The following CDH23 variants were observed in gnomAD, a reference collection of about 807,000 sequenced individuals.
CDH23 encodes cadherin related 23.
A neutral mutation model predicts 317.1 loss-of-function variants in CDH23; 189 were observed. That is an observed-to-expected ratio of 0.60 (90% CI 0.53 to 0.67). The LOEUF (loss-of-function observed/expected upper bound fraction) is 0.67. Ranked by LOEUF, CDH23 falls within the 30% of genes least tolerant of loss-of-function variation. CDH23 has a pLI of 0.00. For synonymous variants in CDH23, 1,839 were observed against 1,876.8 expected (o/e 0.98, Z 0.52); for missense variants, 4,401 against 4,592.4 (o/e 0.96, Z 1.20).
chr10:71,682,640 AG>A, intron 18 of CDH23, 68 bp downstream of exon 18: 1 of 1,582,078 alleles, frequency 6.3e-7, no homozygotes, highest in Non-Finnish European at 8.6e-7. Flanking sequence ...CTGTGAACCC[AG>A]TACTGTAGGA....
chr10:71,713,383 C>G (rs866663634), intron 28 of CDH23: 3 of 716,354 alleles, frequency 4.2e-6, no homozygotes, highest in South Asian at 1.5e-5. Flanking sequence ...GGGAGGGAGG[C>G]CCGGAGTGAA....
At chr10:71,544,792 C>T (rs969937307) in intron 6 of CDH23, among the ~76,000 whole-genome samples, 1 of 152,254 alleles carries the variant, frequency 6.6e-6, no homozygotes, top group Non-Finnish European at 1.5e-5. Context: ...TTTTCTAACT[C>T]TCCCCACCTT....
chr10:71,551,974 C>T (rs1564648274), intron 6 of CDH23, among the ~76,000 whole-genome samples: 1 of 152,236 alleles, frequency 6.6e-6, no homozygotes, highest in Non-Finnish European at 1.5e-5. Flanking sequence ...AGGGAATGCT[C>T]CTCAGGTGAG....
Position 71,725,354 on chromosome 10 carries a change from G to C in CDH23, c.3431-18G>C. 6.2e-7 allele frequency: 1 copy of C among 1,614,068 alleles called. No individual in the cohort carries two copies. On this transcript the variant is annotated intron_variant, in intron 29 of 69. Transcript: ENST00000224721. ...CTGGGCAGGGCCGGTGTTCCAGGGG[G>C]TCTGTCCCTCCACACAGGTAACCAT...
Position 71,810,496 on chromosome 10 carries a change from G to C in CDH23, c.9004G>C (p.Val3002Leu). The C allele has an allele frequency of 6.2e-7, 1 of 1,613,996 alleles. No individual in the cohort carries two copies. Residue 3002 changes from valine (V) to leucine (L), a missense_variant, in exon 62 of 70, where the codon GTG (valine) becomes CTG (leucine). Coordinates refer to ENST00000224721, the MANE Select transcript of CDH23 (RefSeq NM_022124.6). ...GTTCCATGTGGACAAGAAGGGCCGG[G>C]TGAACTTTGCGCAGACAGAACTGCT... ...VQFHVDKKGR[V>L]NFAQTELLIH...
Position 71,793,238 on chromosome 10 carries a change from C to G in CDH23, c.6310C>G (p.Leu2104Val). ...TGAGGACAGTGGCCTCAATGGGGAG[C>G]TGGTCTACCGAATAGAAGCTGGGGC... ...TDEDSGLNGE[L>V]VYRIEAGAQD... Residue 2104 changes from leucine (L) to valine (V), a missense_variant, in exon 48 of 70, where the codon CTG (leucine) becomes GTG (valine). Around this residue, in one of 3 missense-constraint regions of CDH23, gnomAD observed 3,068 missense variants for 3,203.3 expected, o/e 0.96. Transcript: ENST00000224721. 6.2e-7 allele frequency: 1 copy of G among 1,613,846 alleles called. No homozygotes were observed. The highest frequency in any genetic ancestry group is 8.5e-7 in the Non-Finnish European group (1 of 1,179,856).
intron 30 of CDH23, among the ~76,000 whole-genome samples, chr10:71,727,552 A>C (rs757387860): frequency 6.6e-6 from 1 of 152,118 alleles, no homozygotes; most frequent in African/African-American, 2.4e-5. Flanking sequence ...AACCATCCAC[A>C]TCCTCCAGTT....
At chr10:71,736,519 G>T (rs567660520) in intron 34 of CDH23, among the ~76,000 whole-genome samples, 5 of 152,160 alleles carry the variant, frequency 3.3e-5, no homozygotes, top group African/African-American at 7.2e-5. Context: ...AGGCCTTCAG[G>T]GGGTAGGGGA....
At chr10:71,486,000 T>TG (rs11434157) in intron 3 of CDH23, among the ~76,000 whole-genome samples, 1 of 152,002 alleles carries the variant, frequency 6.6e-6, no homozygotes, top group African/African-American at 2.4e-5. Flanking sequence ...ATCAATATAT[T>TG]TGGAGTAGAA....
chr10:71,469,258 C>T, intron 3 of CDH23, among the ~76,000 whole-genome samples: 1 of 152,206 alleles, frequency 6.6e-6, no homozygotes, highest in Admixed American at 6.5e-5. Context: ...ACATATCCAT[C>T]ACCCCCAGGT....
intron 44 of CDH23, among the ~76,000 whole-genome samples, chr10:71,786,115 G>A (rs1841099052): frequency 1.3e-5 from 2 of 152,232 alleles, no homozygotes; most frequent in Admixed American, 1.3e-4. Flanking sequence ...TGTGCATGGG[G>A]CACATGGGCC....
intron 28 of CDH23, among the ~76,000 whole-genome samples, chr10:71,718,701 A>G (rs570944261): frequency 2.6e-5 from 4 of 152,334 alleles, no homozygotes; most frequent in South Asian, 2.1e-4. Context: ...AAGGCCTTCA[A>G]AGGAATCTGG....
In CDH23 at chr10:71,495,820, AAAAG is replaced by A. The variant is rs550566369; in HGVS notation, c.146-14243_146-14240del. On this transcript the variant is annotated intron_variant, in intron 3 of 69. Coordinates refer to ENST00000224721, the MANE Select transcript of CDH23 (RefSeq NM_022124.6). Reference sequence around the variant, plus strand: ...GTGACAGAGGTTTTGGAAAAAAAAAAAAAGAAAGAAAGAAAGAAAGAAGGAAAGA... The same window carrying A: ...GTGACAGAGGTTTTGGAAAAAAAAAAAAAGAAAGAAAGAAAGAAGGAAAGA... Among the ~76,000 whole-genome samples, 125 of 147,374 alleles carry A rather than the reference AAAAG, an allele frequency of 8.5e-4. 2 individuals are homozygous for A. The highest frequency in any genetic ancestry group is 1.4e-3 in the Admixed American group (21 of 15,070).
chr10:71,571,729 A>G (rs1400260720), intron 8 of CDH23, among the ~76,000 whole-genome samples: 3 of 152,252 alleles, frequency 2.0e-5, no homozygotes, highest in Non-Finnish European at 2.9e-5. Flanking sequence ...ATCCCTGGTC[A>G]TTAGCTTAGG....
chr10:71,411,480 A>C (rs1848340767), intron 1 of CDH23, among the ~76,000 whole-genome samples: 2 of 152,074 alleles, frequency 1.3e-5, no homozygotes, highest in Admixed American at 6.5e-5. Context: ...ACCATTGTTA[A>C]ATTTACTTAT....
At chr10:71,638,505 G>A (rs1343899645) in intron 11 of CDH23, among the ~76,000 whole-genome samples, 1 of 152,186 alleles carries the variant, frequency 6.6e-6, no homozygotes, top group African/African-American at 2.4e-5. Context: ...AGCGGAATGC[G>A]CCAGTGCTGA....
At chr10:71,700,013 C>T (rs1213751717) in intron 22 of CDH23, among the ~76,000 whole-genome samples, 1 of 152,176 alleles carries the variant, frequency 6.6e-6, no homozygotes, top group African/African-American at 2.4e-5. Context: ...TGTTCAGCAA[C>T]AGGCCTGGCC....
intron 38 of CDH23, among the ~76,000 whole-genome samples, chr10:71,756,086 C>T (rs921707471): frequency 2.6e-5 from 4 of 152,122 alleles, no homozygotes; most frequent in Non-Finnish European, 5.9e-5. Flanking sequence ...GAGAAACACC[C>T]GGGGTGAGAA....
chr10:71,570,927 C>T lies in CDH23; in HGVS notation c.753+9C>T, dbSNP rs1589220072. The T allele has an allele frequency of 6.2e-7, 1 of 1,613,512 alleles. No individual in the cohort carries two copies. The highest frequency in any genetic ancestry group is 8.5e-7 in the Non-Finnish European group (1 of 1,179,660). On this transcript the variant is annotated intron_variant, in intron 8 of 69. Coordinates refer to ENST00000224721, the MANE Select transcript of CDH23 (RefSeq NM_022124.6). ...ACGAGCATTCTCCTCCGGTAAGACTCCTGGCCCTTCCTTCTCAGAAGTCCC... is the reference window on the plus strand; with the variant it reads ...ACGAGCATTCTCCTCCGGTAAGACTTCTGGCCCTTCCTTCTCAGAAGTCCC...
Sources: gnomAD v4.1 joint callset for allele counts (sites outside exome capture counted in the v4.1 genomes callset) on GRCh38, gnomAD v4.1.1 for gene constraint, gnomAD v4.1.1 regional missense constraint, MANE v1.5 for transcripts, NCBI Gene and HGNC (gene_info 2026-07-23, HGNC 2026-07-21) for gene names.